The following UTRN variants were observed in gnomAD, a reference collection of about 807,000 sequenced individuals.
UTRN encodes the protein utrophin, also known as dystrophin-related protein 1.
In UTRN, 283 loss-of-function variants were observed where a neutral mutation model predicts 463.9. That is an observed-to-expected ratio of 0.61 (90% CI 0.55 to 0.67). UTRN has a LOEUF of 0.67. Ranked by LOEUF, UTRN falls within the 30% of genes least tolerant of loss-of-function variation. UTRN has a pLI of 0.00. For synonymous variants in UTRN, 1,442 were observed against 1,431.5 expected (o/e 1.01, Z -0.17); for missense variants, 3,922 against 4,084.3 (o/e 0.96, Z 1.08).
intron 9 of UTRN, among the ~76,000 whole-genome samples, chr6:144,431,725 A>G (rs1387863198): frequency 6.6e-6 from 1 of 152,206 alleles, no homozygotes; most frequent in Non-Finnish European, 1.5e-5. Flanking sequence ...TTCTCATTAT[A>G]GTATAGAGGT....
At chr6:144,658,829 G>A (rs963247990) in intron 51 of UTRN, among the ~76,000 whole-genome samples, 2 of 152,126 alleles carry the variant, frequency 1.3e-5, no homozygotes, top group Admixed American at 6.5e-5. Flanking sequence ...TTTCTTTAAA[G>A]CGATGACACT....
intron 54 of UTRN, among the ~76,000 whole-genome samples, chr6:144,742,496 G>A (rs545970243): frequency 6.6e-6 from 1 of 152,160 alleles, no homozygotes; most frequent in Non-Finnish European, 1.5e-5. Context: ...AGAAATAGGA[G>A]GGGGGTAAAG....
intron 51 of UTRN, among the ~76,000 whole-genome samples, chr6:144,609,083 G>A (rs1805192796): frequency 6.6e-6 from 1 of 152,092 alleles, no homozygotes; most frequent in Non-Finnish European, 1.5e-5. Flanking sequence ...AAATAACCAA[G>A]ACTGGCTCAA....
chr6:144,758,610 A>G (rs2128726590), intron 58 of UTRN, among the ~76,000 whole-genome samples: 1 of 152,230 alleles, frequency 6.6e-6, no homozygotes, highest in Non-Finnish European at 1.5e-5. Flanking sequence ...TCTTCTTCTT[A>G]TATGACATTT....
Position 144,596,875 on chromosome 6 carries a change from G to T in UTRN, c.7479+19587G>T, listed in dbSNP as rs9484888. ...TACTTTACTGTTGAGCATCATAAAA[G>T]AACTTGAAATGCTTTTGTTTTTGGA... On this transcript the variant is annotated intron_variant, in intron 51 of 74. Transcript: ENST00000367545. Among the ~76,000 whole-genome samples the T allele has an allele frequency of 4.4e-3, 663 of 152,256 alleles. 2 individuals are homozygous for T. Among genetic ancestry groups the T allele is most frequent in the African/African-American group, 0.015 (640 of 41,568 alleles).
intron 25 of UTRN, among the ~76,000 whole-genome samples, chr6:144,475,137 T>C (rs1372953140): frequency 1.3e-5 from 2 of 152,170 alleles, no homozygotes; most frequent in Non-Finnish European, 2.9e-5. Flanking sequence ...AAGAAGAAAC[T>C]CCTCTTAAGG....
chr6:144,803,098 C>G lies in UTRN; in HGVS notation c.9308C>G (p.Thr3103Arg). The G allele has an allele frequency of 6.3e-7, 1 of 1,595,998 alleles. No individual in the cohort carries two copies. The highest frequency in any genetic ancestry group is 8.5e-7 in the Non-Finnish European group (1 of 1,171,512). The stretch of plus-strand genomic sequence containing the variant: ...CAGAGTTGTTTCTTTTCGGGTCGAA[C>G]AGCAAAAGGTCACAAATTACATTAC... ...VCQSCFFSGRTAKGHKLHYPM... is the reference protein window; with the variant it reads ...VCQSCFFSGRRAKGHKLHYPM... The change falls in exon 65 of 75, where the codon ACA (threonine) becomes AGA (arginine). Residue 3103 changes from threonine to arginine, a missense_variant. Thr to Arg is a moderately conservative substitution (Grantham distance 71). This residue lies in a region of UTRN where 1,309 missense variants were observed against 1,452.6 expected (regional missense o/e 0.90). Transcript: ENST00000367545.
intron 51 of UTRN, among the ~76,000 whole-genome samples, chr6:144,595,790 C>A (rs1218442422): frequency 1.3e-5 from 2 of 152,292 alleles, no homozygotes; most frequent in East Asian, 3.9e-4. Context: ...ATTAAACATT[C>A]TGGTAAATCT....
At chr6:144,305,000 C>T (rs557032310) in intron 2 of UTRN, among the ~76,000 whole-genome samples, 25 of 150,790 alleles carry the variant, frequency 1.7e-4, no homozygotes, top group African/African-American at 5.9e-4. Flanking sequence ...GGCGCGATCT[C>T]GGCTCACTAC....
At chr6:144,547,446 A>C (rs1203414846) in intron 46 of UTRN, among the ~76,000 whole-genome samples, 1 of 152,226 alleles carries the variant, frequency 6.6e-6, no homozygotes, top group Non-Finnish European at 1.5e-5. Context: ...AAGTAATAAA[A>C]GTATTCCTTA....
At chr6:144,732,271 TATATATACACAC>T (rs1788733149) in intron 54 of UTRN, among the ~76,000 whole-genome samples, 4 of 89,272 alleles carry the variant, frequency 4.5e-5, no homozygotes, top group East Asian at 1.9e-3. Flanking sequence ...CACATATATA[TATATATACACAC>T]ATATATATAT....
intron 50 of UTRN, among the ~76,000 whole-genome samples, chr6:144,561,049 C>G (rs1053808636): frequency 6.6e-6 from 1 of 150,398 alleles, no homozygotes; most frequent in South Asian, 2.1e-4. Flanking sequence ...ACTTTTTTTC[C>G]TTCCATCTCT....
chr6:144,610,739 G>T (rs763390559), intron 51 of UTRN, among the ~76,000 whole-genome samples: 7 of 152,162 alleles, frequency 4.6e-5, no homozygotes, highest in Non-Finnish European at 1.0e-4. Flanking sequence ...GCCGGGCGTG[G>T]TGGCACTTGC....
At chr6:144,345,237 A>G (rs2114640299) in intron 2 of UTRN, among the ~76,000 whole-genome samples, 1 of 152,330 alleles carries the variant, frequency 6.6e-6, no homozygotes, top group East Asian at 1.9e-4. Flanking sequence ...GGAGCAGCCC[A>G]TATTTTCTTA....
chr6:144,360,032 T>TTTCCCTTCCCTTCCC (rs1340009283), intron 2 of UTRN, among the ~76,000 whole-genome samples: 53 of 78,792 alleles, frequency 6.7e-4, no homozygotes, highest in South Asian at 1.7e-3. Flanking sequence ...TCTTTTCTTT[T>TTTCCCTTCCCTTCCC]TTCCCTTCCC....
chr6:144,351,433 G>A (rs999993996), intron 2 of UTRN, among the ~76,000 whole-genome samples: 12 of 152,110 alleles, frequency 7.9e-5, no homozygotes, highest in African/African-American at 2.9e-4. Context: ...ATTCTATGTT[G>A]GGTTCATTTA....
intron 53 of UTRN, among the ~76,000 whole-genome samples, chr6:144,724,168 G>A (rs1458409859): frequency 6.6e-6 from 1 of 150,922 alleles, no homozygotes; most frequent in Non-Finnish European, 1.5e-5. Context: ...GCAATTCAGG[G>A]GCTTTTAGTA....
intron 39 of UTRN, among the ~76,000 whole-genome samples, chr6:144,520,602 G>C (rs1391000161): frequency 6.6e-6 from 1 of 152,130 alleles, no homozygotes; most frequent in Admixed American, 6.5e-5. Context: ...TCAAATGATG[G>C]ACGCAGTAGT....
intron 60 of UTRN, among the ~76,000 whole-genome samples, chr6:144,781,140 ATGT>A (rs769910850): frequency 6.6e-6 from 1 of 152,186 alleles, no homozygotes; most frequent in Non-Finnish European, 1.5e-5. Context: ...CCTACCATAG[ATGT>A]TGTACACATG....
Sources: allele counts gnomAD v4.1 joint callset (sites outside exome capture counted in the v4.1 genomes callset), GRCh38; gene constraint gnomAD v4.1.1; regional missense constraint gnomAD v4.1.1; transcripts MANE v1.5; gene names NCBI Gene and HGNC (gene_info 2026-07-23, HGNC 2026-07-21).